GCC2: variants seen among roughly 807,000 people sequenced by gnomAD.
GCC2 encodes GRIP and coiled-coil domain containing 2, also known as GRIP and coiled-coil domain-containing protein 2.
GCC2 carries 120 observed loss-of-function variants against 210.6 expected under a neutral mutation model. The observed-to-expected ratio is 0.57, with a 90% CI of 0.49 to 0.66. GCC2 has a LOEUF of 0.66. Ranked by LOEUF, GCC2 falls within the 30% of genes least tolerant of loss-of-function variation. The pLI is 0.00. For missense variants in GCC2, 1,868 were observed against 1,871.9 expected, an observed-to-expected ratio of 1.00 and a Z score of 0.04; for synonymous variants, 703 against 652.7, an observed-to-expected ratio of 1.08 and a Z score of -1.17.
At chr2:108,492,204 TGA>T (rs1291913901) in intron 18 of GCC2, among the ~76,000 whole-genome samples, 2 of 152,046 alleles carry the variant, frequency 1.3e-5, no homozygotes, top group African/African-American at 4.8e-5. Context: ...TACATTCATG[TGA>T]GTTACCACAT....
intron 4 of GCC2, 144 bp from the exon 5 acceptor site, chr2:108,468,828 TCTTTTCTC>T: frequency 1.9e-6 from 1 of 539,726 alleles, no homozygotes; most frequent in Non-Finnish European, 3.4e-6. Flanking sequence ...TATCCTTATA[TCTTTTCTC>T]CTTTTCTCTT....
rs76633494 is a variant in GCC2, at chr2:108,473,439, C to A, written c.2860+540C>A. 3.5e-4 allele frequency: 54 copies of A among 152,552 alleles called. 1 individual carries two copies. The East Asian group carries it at 9.0e-3, about 26-fold the overall frequency. 9.4% of individuals were successfully genotyped at this position (152,552 alleles called of 1,614,324 possible). A position where few individuals can be genotyped will look rare whatever the true frequency, so the allele number is the denominator to read the frequency against. On this transcript the variant is annotated intron_variant, in intron 7 of 22. Coordinates refer to ENST00000309863, the MANE Select transcript of GCC2 (RefSeq NM_181453.4). Reference sequence around the variant, plus strand: ...CAGGTGCTTGTAGGTTGACATATAGCATACATCAAGGCACGTACTAGGAAG... The same window carrying A: ...CAGGTGCTTGTAGGTTGACATATAGAATACATCAAGGCACGTACTAGGAAG...
chr2:108,477,808 G>A (rs1226006355), intron 9 of GCC2, among the ~76,000 whole-genome samples: 1 of 152,168 alleles, frequency 6.6e-6, no homozygotes, highest in Non-Finnish European at 1.5e-5. Flanking sequence ...CACTTTGGGA[G>A]GCCAAGGTGG....
intron 22 of GCC2, among the ~76,000 whole-genome samples, chr2:108,503,148 A>G (rs2104518029): frequency 6.8e-6 from 1 of 146,838 alleles, no homozygotes; most frequent in South Asian, 2.2e-4. Flanking sequence ...CAAAAACCCA[A>G]TAAAATCTCA....
chr2:108,507,260 G>A (rs1683237322), intron 22 of GCC2, among the ~76,000 whole-genome samples: 1 of 152,088 alleles, frequency 6.6e-6, no homozygotes, highest in Non-Finnish European at 1.5e-5. Flanking sequence ...AGGCATGGTG[G>A]CACACACCTT....
intron 20 of GCC2, 189 bp downstream of exon 20, chr2:108,495,674 T>C (rs1247324882): frequency 1.3e-5 from 5 of 388,072 alleles, no homozygotes. Flanking sequence ...ATGGATGGGA[T>C]GGATGGATGG....
intron 4 of GCC2, among the ~76,000 whole-genome samples, chr2:108,465,522 A>G (rs921316790): frequency 1.3e-5 from 2 of 152,106 alleles, no homozygotes; most frequent in Admixed American, 6.6e-5. Context: ...CCTCTTTTGC[A>G]TCTCTAACAT....
intron 18 of GCC2, 155 bp downstream of exon 18, chr2:108,490,169 T>G: frequency 2.1e-6 from 1 of 484,738 alleles, no homozygotes; most frequent in Non-Finnish European, 3.5e-6. Context: ...ACCTTAGAGC[T>G]TCGCCTTTTA....
At chr2:108,461,666 C>T (rs1451981299) in intron 4 of GCC2, among the ~76,000 whole-genome samples, 2 of 151,700 alleles carry the variant, frequency 1.3e-5, no homozygotes, top group African/African-American at 4.8e-5. Context: ...CCATGCCCAG[C>T]TAATTTTTTG....
At chr2:108,476,184 C>T (rs1271215047) in intron 9 of GCC2, among the ~76,000 whole-genome samples, 20 of 151,414 alleles carry the variant, frequency 1.3e-4, no homozygotes, top group Admixed American at 6.6e-4. Context: ...CACAGGCTCC[C>T]GAGTAGCTGG....
chr2:108,490,222 A>T lies in GCC2; in HGVS notation c.4229+208A>T, dbSNP rs114361097. 543 of 376,740 alleles carry T rather than the reference A, an allele frequency of 1.4e-3. 2 individuals are homozygous for T. Among genetic ancestry groups the T allele is most frequent in the African/African-American group, 0.01 (497 of 48,278 alleles). 23.3% of individuals were successfully genotyped at this position (376,740 alleles called of 1,614,324 possible). A position where few individuals can be genotyped will look rare whatever the true frequency, so the allele number is the denominator to read the frequency against. On this transcript the variant is annotated intron_variant, in intron 18 of 22. Transcript: ENST00000309863. ...GCATTTTTAAGAACAATTAATGTCT[A>T]TCTGCTCATCCAGTATTCTGTGTCT...
chr2:108,449,293 G>C lies in GCC2; in HGVS notation c.6+13G>C, dbSNP rs1391750472. 6.5e-7 allele frequency: 1 copy of C among 1,548,960 alleles called. No homozygotes were observed. The highest frequency in any genetic ancestry group is 8.7e-7 in the Non-Finnish European group (1 of 1,145,086). On this transcript the variant is annotated intron_variant, in intron 1 of 22. Transcript: ENST00000309863. Reference sequence around the variant, plus strand: ...GGCGGAGATGGAGGTAACTCAGGTCGGGCCCACTGCCTCCCATCAAGCCTT... The same window carrying C: ...GGCGGAGATGGAGGTAACTCAGGTCCGGCCCACTGCCTCCCATCAAGCCTT...
In GCC2 at chr2:108,485,848, A is replaced by C; in HGVS notation, c.3732A>C (p.Ile1244=). 1.3e-6 allele frequency: 2 copies of C among 1,586,580 alleles called. No homozygotes were observed. The change falls in exon 15 of 23, where the codon ATA becomes ATC. Residue 1244 remains isoleucine (I), a synonymous_variant. Transcript: ENST00000309863. ...DSKQAETDHL[I]LQASLKGELE... ...TTCTATAGGAAACTGATCACTTAAT[A>C]CTTCAAGCATCTTTAAAAGGTGAGC...
Position 108,509,283 on chromosome 2 carries a change from T to C in GCC2, c.*1653T>C, listed in dbSNP as rs917510907. 1 of 152,650 alleles carries C rather than the reference T, an allele frequency of 6.6e-6. No homozygotes were observed. The highest frequency in any genetic ancestry group is 1.5e-5 in the Non-Finnish European group (1 of 68,046). 9.5% of individuals were successfully genotyped at this position (152,650 alleles called of 1,614,324 possible). On this transcript the variant is annotated 3_prime_UTR_variant, in exon 23 of 23. Transcript: ENST00000309863. Reference sequence around the variant, plus strand: ...GCTTACGAATGTCATAACAAAATAATTTTTTGCATGATAAAAAATTACTTT... The same window carrying C: ...GCTTACGAATGTCATAACAAAATAACTTTTTGCATGATAAAAAATTACTTT...
Position 108,449,673 on chromosome 2 carries a change from G to C in GCC2, c.47G>C (p.Gly16Ala). 1.2e-6 allele frequency: 2 copies of C among 1,613,650 alleles called. No individual in the cohort carries two copies. The highest frequency in any genetic ancestry group is 1.7e-6 in the Non-Finnish European group (2 of 1,179,576). ...GGGGTGGCTTCACCAGCTACCCCTG[G>C]GACCGGGAAATCTAAGGTGAAGAGA... ...QDGVASPATP[G>A]TGKSKLETLP... Residue 16 changes from glycine to alanine, a missense_variant, in exon 2 of 23, where the codon GGG (glycine) becomes GCG (alanine). By Grantham distance (60) the Gly-to-Ala change is moderately conservative. Transcript: ENST00000309863.
Position 108,495,332 on chromosome 2 carries a change from A to T in GCC2, c.4489A>T (p.Arg1497Trp). 6.3e-7 allele frequency: 1 copy of T among 1,578,490 alleles called. No individual in the cohort carries two copies. The highest frequency in any genetic ancestry group is 8.5e-7 in the Non-Finnish European group (1 of 1,172,106). The change falls in exon 20 of 23, where the codon AGG (arginine) becomes TGG (tryptophan). Residue 1497 changes from arginine to tryptophan, a missense_variant. Physicochemically the swap from Arg to Trp is moderately radical, Grantham distance 101 (BLOSUM62 -3). Around this residue, in one of 3 missense-constraint regions of GCC2, gnomAD observed 1,847 missense variants for 1,765.2 expected, o/e 1.05. Coordinates refer to ENST00000309863, the MANE Select transcript of GCC2 (RefSeq NM_181453.4). Reference sequence around the variant, plus strand: ...ACAATCTTTGAAGAACCTTCGAGAAAGGAGAAACACAGACCTCCCGCTTCT... The same window carrying T: ...ACAATCTTTGAAGAACCTTCGAGAATGGAGAAACACAGACCTCCCGCTTCT... ...SQQSLKNLRE[R>W]RNTDLPLLDM... is the part of the protein sequence containing the mutation.
intron 4 of GCC2, among the ~76,000 whole-genome samples, chr2:108,452,695 T>C (rs894770636): frequency 2.5e-3 from 73 of 28,784 alleles, no homozygotes; most frequent in Non-Finnish European, 5.1e-3. Flanking sequence ...TTCTTTCTTT[T>C]TTTTTTTTTT....
At chr2:108,481,898 A>C in intron 10 of GCC2, 82 bp downstream of exon 10, 2 of 1,059,214 alleles carry the variant, frequency 1.9e-6, no homozygotes, top group East Asian at 2.7e-5. Flanking sequence ...AAATTTAAAA[A>C]ATATAGTCGG....
rs115634950 is a variant in GCC2 at position 108,464,899 on chromosome 2, T to G, written c.217-4081T>G. On this transcript the variant is annotated intron_variant, in intron 4 of 22. Coordinates refer to ENST00000309863, the MANE Select transcript of GCC2 (RefSeq NM_181453.4). ...CTAGGGAGGCCTCCAGGAGGTTTTATTTATGGCAGAAGGCAAAGGGGAAGC... is the reference window on the plus strand; with the variant it reads ...CTAGGGAGGCCTCCAGGAGGTTTTAGTTATGGCAGAAGGCAAAGGGGAAGC... Among the ~76,000 whole-genome samples, 613 of 152,270 alleles carry G rather than the reference T, an allele frequency of 4.0e-3. 1 individual carries two copies. The highest frequency in any genetic ancestry group is 0.012 in the African/African-American group (507 of 41,544).
Sources: allele counts gnomAD v4.1 joint callset (sites outside exome capture counted in the v4.1 genomes callset), GRCh38; gene constraint gnomAD v4.1.1; regional missense constraint gnomAD v4.1.1; transcripts MANE v1.5; gene names NCBI Gene and HGNC (gene_info 2026-07-23, HGNC 2026-07-21).